DNAJB14: variants seen among roughly 807,000 people sequenced by gnomAD.
DNAJB14 encodes the protein DnaJ heat shock protein family (Hsp40) member B14.
A neutral mutation model predicts 48.4 loss-of-function variants in DNAJB14; 22 were observed. The observed-to-expected ratio is 0.45, with a 90% CI of 0.32 to 0.65. The LOEUF is 0.65. DNAJB14 is among the 30% of genes least tolerant of loss of function. DNAJB14 has a pLI of 0.03. For missense variants in DNAJB14, 319 were observed against 458.8 expected (o/e 0.70, Z 2.78); for synonymous variants, 142 against 158.7 (o/e 0.89, Z 0.79).
chr4:99,916,855 C>A (rs953252425), intron 3 of DNAJB14, among the ~76,000 whole-genome samples: 2 of 152,158 alleles, frequency 1.3e-5, no homozygotes, highest in African/African-American at 4.8e-5. Flanking sequence ...TAATTGCCAG[C>A]CGGGCGTGGT....
intron 3 of DNAJB14, among the ~76,000 whole-genome samples, chr4:99,920,925 A>AC (rs1726031836): frequency 6.6e-6 from 1 of 152,208 alleles, no homozygotes; most frequent in Non-Finnish European, 1.5e-5. Flanking sequence ...AGACAATAGT[A>AC]TTGTCTTTGC....
intron 2 of DNAJB14, 50 bp from the exon 3 acceptor site, chr4:99,923,235 T>C (rs1402540890): frequency 2.0e-6 from 3 of 1,489,374 alleles, no homozygotes; most frequent in South Asian, 1.3e-5. Flanking sequence ...AAGACGGTCA[T>C]GTAATATCTC....
intron 1 of DNAJB14, among the ~76,000 whole-genome samples, chr4:99,935,127 CA>C (rs1263419600): frequency 6.6e-6 from 1 of 151,554 alleles, no homozygotes; most frequent in Non-Finnish European, 1.5e-5. Flanking sequence ...GACATAAAAA[CA>C]AAAAATCTGA....
intron 4 of DNAJB14, 137 bp downstream of exon 4, chr4:99,908,574 T>G: frequency 1.6e-6 from 1 of 611,310 alleles, no homozygotes; most frequent in Non-Finnish European, 2.5e-6. Context: ...TTCTCCTGCT[T>G]TCATGAAAAA....
At chr4:99,918,990 A>T (rs1469707378) in intron 3 of DNAJB14, among the ~76,000 whole-genome samples, 1 of 152,176 alleles carries the variant, frequency 6.6e-6, no homozygotes, top group African/African-American at 2.4e-5. Context: ...CCATCCCAGC[A>T]GGGAGCTTAG....
At chr4:99,939,178 A>G (rs1726799583) in intron 1 of DNAJB14, among the ~76,000 whole-genome samples, 1 of 152,172 alleles carries the variant, frequency 6.6e-6, no homozygotes, top group Admixed American at 6.5e-5. Flanking sequence ...CCTGGCCAAC[A>G]TGGGGAAACC....
At position 99,905,919 on chromosome 4, in the gene DNAJB14, T is replaced by C. The variant is rs963949294; in HGVS notation, c.733-213A>G. On this transcript the variant is annotated intron_variant, in intron 5 of 7. Coordinates refer to ENST00000442697, the MANE Select transcript of DNAJB14 (RefSeq NM_001031723.4). ...CTGATTTGAAAAACACTGATAAAAT[T>C]TGATTTCATTTTATAGATGAGGAAG... 4.3e-5 allele frequency: 57 copies of C among 1,333,978 alleles called. No individual in the cohort carries two copies. In the East Asian group the frequency reaches 6.4e-4, roughly 15 times the overall value. 82.6% of individuals were successfully genotyped at this position (1,333,978 alleles called of 1,614,324 possible).
intron 3 of DNAJB14, among the ~76,000 whole-genome samples, chr4:99,920,385 A>G (rs1485147912): frequency 6.6e-6 from 1 of 152,046 alleles, no homozygotes; most frequent in Non-Finnish European, 1.5e-5. Flanking sequence ...ACAAGCAACA[A>G]CTCCCATTCC....
chr4:99,926,089 G>C, intron 2 of DNAJB14: 1 of 152,156 alleles, frequency 6.6e-6, no homozygotes, highest in East Asian at 1.9e-4. Flanking sequence ...AACTTCTCCG[G>C]ACCCTGACTT....
At position 99,899,297 on chromosome 4, in the gene DNAJB14, C is replaced by G. The variant is rs1725220381; in HGVS notation, c.*1731G>C. On this transcript the variant is annotated 3_prime_UTR_variant, in exon 8 of 8. Transcript: ENST00000442697. The stretch of plus-strand genomic sequence containing the variant: ...TCATAAATTTTCTGATGCATATGAA[C>G]TTTCAAAGTTAATTAAAATGCTATG... The G allele has an allele frequency of 6.6e-6, 1 of 151,538 alleles. No homozygotes were observed. Among genetic ancestry groups the G allele is most frequent in the Admixed American group, 6.6e-5 (1 of 15,224 alleles). 9.4% of individuals were successfully genotyped at this position (151,538 alleles called of 1,614,324 possible).
chr4:99,921,920 G>A (rs1164471218), intron 3 of DNAJB14, among the ~76,000 whole-genome samples: 1 of 152,110 alleles, frequency 6.6e-6, no homozygotes, highest in Non-Finnish European at 1.5e-5. Context: ...ATAAAGGTGT[G>A]TATTTGGAGG....
intron 1 of DNAJB14, among the ~76,000 whole-genome samples, chr4:99,931,997 C>T (rs1726488379): frequency 6.6e-6 from 1 of 151,960 alleles, no homozygotes; most frequent in South Asian, 2.1e-4. Flanking sequence ...ATTTGGACTC[C>T]ATCACACTGG....
intron 6 of DNAJB14, among the ~76,000 whole-genome samples, 181 bp downstream of exon 6, chr4:99,905,416 A>G (rs1402891302): frequency 6.6e-6 from 1 of 152,056 alleles, no homozygotes; most frequent in Non-Finnish European, 1.5e-5. Context: ...AATTAACAAC[A>G]TAAGACAAAT....
chr4:99,930,992 T>C (rs1310678208), intron 1 of DNAJB14, among the ~76,000 whole-genome samples: 1 of 152,186 alleles, frequency 6.6e-6, no homozygotes, highest in Non-Finnish European at 1.5e-5. Flanking sequence ...TAATTCTCAA[T>C]AGCAACAATG....
chr4:99,918,607 G>A (rs1725940697), intron 3 of DNAJB14, among the ~76,000 whole-genome samples: 1 of 152,220 alleles, frequency 6.6e-6, no homozygotes, highest in South Asian at 2.1e-4. Flanking sequence ...TGGAAGTCCA[G>A]GGTTTTTCCC....
chr4:99,901,510 TG>T (rs1441638076), intron 7 of DNAJB14, among the ~76,000 whole-genome samples: 1 of 152,148 alleles, frequency 6.6e-6, no homozygotes, highest in Non-Finnish European at 1.5e-5. Flanking sequence ...TGCCAGTGGT[TG>T]TTTCACTGTG....
At chr4:99,928,516 AC>A in intron 2 of DNAJB14, 1 of 426,792 alleles carries the variant, frequency 2.3e-6, no homozygotes, top group Non-Finnish European at 4.8e-6. Flanking sequence ...AACCAACCCC[AC>A]CCCACATATA....
In DNAJB14 at chr4:99,930,559, G is replaced by A. The variant is rs759384909; in HGVS notation, c.196C>T (p.Pro66Ser). The stretch of plus-strand genomic sequence containing the variant: ...TTGCTTTGATCGCCACTACCTGATG[G>A]TTTTCGGCAATGAGGGCTATTTCCA... The part of the protein sequence containing the change: ...TAGNSPHCRK[P>S]SGSGDQSKPN... Residue 66 changes from proline (P) to serine (S), a missense_variant, in exon 2 of 8, where the codon CCA becomes TCA. Physicochemically the swap from Pro to Ser is moderately conservative, Grantham distance 74. Coordinates refer to ENST00000442697, the MANE Select transcript of DNAJB14 (RefSeq NM_001031723.4). The A allele has an allele frequency of 1.4e-5, 22 of 1,612,220 alleles. No homozygotes were observed. The South Asian group carries it at 2.0e-4, about 15-fold the overall frequency.
chr4:99,912,648 G>A (rs1249222381), intron 3 of DNAJB14, among the ~76,000 whole-genome samples: 1 of 151,788 alleles, frequency 6.6e-6, no homozygotes, highest in Non-Finnish European at 1.5e-5. Context: ...CCTCGCTAAT[G>A]TTGTACTTTT....
Sources: allele counts gnomAD v4.1 joint callset (sites outside exome capture counted in the v4.1 genomes callset), GRCh38; gene constraint gnomAD v4.1.1; transcripts MANE v1.5; gene names NCBI Gene and HGNC (gene_info 2026-07-23, HGNC 2026-07-21).